The following APAF1 variants were observed in gnomAD, a reference collection of about 807,000 sequenced individuals.
APAF1 encodes apoptotic peptidase activating factor 1, also known as apoptotic protease-activating factor 1.
A neutral mutation model predicts 152.4 loss-of-function variants in APAF1; 91 were observed. The ratio of observed to expected loss-of-function variants is 0.60; its 90% CI spans 0.50 to 0.71. The LOEUF (loss-of-function observed/expected upper bound fraction) is 0.71. Among genes scored for constraint, APAF1 ranks in the 30% least tolerant of loss-of-function variants. The probability of loss-of-function intolerance (pLI) is 0.00; values close to 1 mark genes in which losing one functional copy is unlikely to be tolerated. For missense variants in APAF1, 1,283 were observed against 1,472.0 expected, an observed-to-expected ratio of 0.87 and a Z score of 2.10; for synonymous variants, 484 against 494.1, an observed-to-expected ratio of 0.98 and a Z score of 0.27.
intron 12 of APAF1, among the ~76,000 whole-genome samples, chr12:98,672,390 C>T (rs1201632): frequency 6.6e-6 from 1 of 152,116 alleles, no homozygotes; most frequent in Non-Finnish European, 1.5e-5. Context: ...GTCTCAAACT[C>T]CTGATTTCAA....
intron 22 of APAF1, among the ~76,000 whole-genome samples, chr12:98,717,870 A>G (rs2097736769): frequency 6.6e-6 from 1 of 152,050 alleles, no homozygotes; most frequent in South Asian, 2.1e-4. Context: ...ATCTTCTCTA[A>G]AAGGTGAATC....
At chr12:98,682,892 A>G (rs1465601407) in intron 14 of APAF1, among the ~76,000 whole-genome samples, 2 of 152,150 alleles carry the variant, frequency 1.3e-5, no homozygotes, top group Non-Finnish European at 2.9e-5. Flanking sequence ...AAGAAATGTC[A>G]TGTGTTCATG....
Position 98,665,667 on chromosome 12 carries a change from C to T in APAF1, c.1070C>T (p.Ser357Leu), listed in dbSNP as rs753747121. The T allele has an allele frequency of 1.2e-5, 19 of 1,613,576 alleles. No homozygotes were observed. The highest frequency in any genetic ancestry group is 1.7e-5 in the Admixed American group (1 of 59,982). Reference protein sequence around the residue: ...NKQFKRIRKSSSYDYEALDEA... With the variant: ...NKQFKRIRKSLSYDYEALDEA... ...CAGTTTAAGAGAATAAGGAAATCTT[C>T]GTCTTATGATTATGAGGCTCTAGAT... The change falls in exon 8 of 27, where the codon TCG becomes TTG. Residue 357 changes from serine to leucine, a missense_variant. Physicochemically the swap from Ser to Leu is moderately radical, Grantham distance 145. Transcript: ENST00000551964.
At chr12:98,663,399 A>G (rs1300044657) in intron 7 of APAF1, among the ~76,000 whole-genome samples, 2 of 152,150 alleles carry the variant, frequency 1.3e-5, no homozygotes, top group Non-Finnish European at 2.9e-5. Flanking sequence ...TAAAATTTAT[A>G]TATAGAATCT....
In APAF1 at chr12:98,648,466, C is replaced by T; in HGVS notation, c.107C>T (p.Thr36Ile). ...MDHMISDGFL[T>I]ISEEEKVRNE... ...CACATGATTAGTGATGGATTTTTAA[C>T]AATATCAGAAGAGGAAAAAGTAAGA... Residue 36 changes from threonine to isoleucine, a missense_variant, in exon 2 of 27, where the codon ACA becomes ATA. Transcript: ENST00000551964. 2 of 1,613,950 alleles carry T rather than the reference C, an allele frequency of 1.2e-6. No individual in the cohort carries two copies. The highest frequency in any genetic ancestry group is 2.2e-5 in the East Asian group (1 of 44,850).
chr12:98,725,562 G>A (rs2304006), intron 25 of APAF1, 22 bp downstream of exon 25: 312,656 of 1,613,598 alleles, frequency 0.19, 32,560 homozygotes, highest in Non-Finnish European at 0.22. Flanking sequence ...GCTGACATGA[G>A]AGCACTGCTC....
rs1002288198 is a variant in APAF1 at position 98,717,562 on chromosome 12, G to A, written c.3084+2010G>A. Among the ~76,000 whole-genome samples, 3 of 152,064 alleles carry A rather than the reference G, an allele frequency of 2.0e-5. No homozygotes were observed. In the South Asian group the frequency reaches 6.3e-4, roughly 32 times the overall value. ...TGCTAATTTTTGTATATTTAGTAGA[G>A]ATGGGGTTTCTTCATGTTGGTCAGG... On this transcript the variant is annotated intron_variant, in intron 22 of 26. Coordinates refer to ENST00000551964, the MANE Select transcript of APAF1 (RefSeq NM_181861.2).
At chr12:98,727,935 C>CT (rs2097753112) in intron 26 of APAF1, among the ~76,000 whole-genome samples, 1 of 150,466 alleles carries the variant, frequency 6.6e-6, no homozygotes, top group Non-Finnish European at 1.5e-5. Context: ...GAGCAAAACT[C>CT]TGTCTCAAAA....
At chr12:98,680,482 T>C (rs2097691120) in intron 14 of APAF1, 80 bp downstream of exon 14, 1 of 1,425,160 alleles carries the variant, frequency 7.0e-7, no homozygotes, top group Non-Finnish European at 9.7e-7. Flanking sequence ...CCAGAGTAAG[T>C]AGAGTTAAAG....
rs752145548 is a variant in APAF1 at position 98,735,113 on chromosome 12, A to C, written c.*2547A>C. ...AAAATGGGAAGAAAGACAAGGTAAC[A>C]TGAAGAAAGAAGAGATACCTAGTAT... is the stretch of plus-strand genomic sequence containing the variant. On this transcript the variant is annotated 3_prime_UTR_variant, in exon 27 of 27. Coordinates refer to ENST00000551964, the MANE Select transcript of APAF1 (RefSeq NM_181861.2). The C allele has an allele frequency of 2.5e-6, 1 of 398,450 alleles. No individual in the cohort carries two copies. The highest frequency in any genetic ancestry group is 4.4e-6 in the Non-Finnish European group (1 of 226,044). The allele number at this position is 398,450 out of a possible 1,614,324, so 24.7% of individuals were successfully genotyped here. A position where few individuals can be genotyped will look rare whatever the true frequency, so the allele number is the denominator to read the frequency against.
chr12:98,706,567 A>G lies in APAF1; in HGVS notation c.2678A>G (p.Asp893Gly). ...SWVHGVMFSP[D>G]GSSFLTSSDD... ...GTTCATGGTGTGATGTTTTCTCCTG[A>G]TGGATCATCATTTTTGACATCTTCT... The change falls in exon 19 of 27, where the codon GAT (aspartate) becomes GGT (glycine). Residue 893 changes from aspartate to glycine, a missense_variant. Transcript: ENST00000551964. 5 of 1,614,032 alleles carry G rather than the reference A, an allele frequency of 3.1e-6. No homozygotes were observed. Among genetic ancestry groups the G allele is most frequent in the Non-Finnish European group, 4.2e-6 (5 of 1,179,914 alleles).
intron 4 of APAF1, among the ~76,000 whole-genome samples, chr12:98,654,816 C>CT (rs758991431): frequency 0.28 from 32,152 of 116,468 alleles, 4,031 homozygotes; most frequent in East Asian, 0.42. Context: ...GTAGTATTTT[C>CT]TTTTTTTTTT....
At chr12:98,679,869 G>T (rs768735568) in intron 13 of APAF1, among the ~76,000 whole-genome samples, 4 of 152,252 alleles carry the variant, frequency 2.6e-5, no homozygotes, top group Admixed American at 6.5e-5. Flanking sequence ...ACTCACACAC[G>T]CCTCGCTGTT....
chr12:98,712,508 A>G (rs1346886853), intron 21 of APAF1, 73 bp downstream of exon 21: 4 of 903,366 alleles, frequency 4.4e-6, no homozygotes, highest in Non-Finnish European at 7.4e-6. Context: ...GGCATTGTGC[A>G]CTTCTATTTT....
intron 14 of APAF1, among the ~76,000 whole-genome samples, chr12:98,682,775 G>A (rs2097693770): frequency 6.6e-6 from 1 of 152,178 alleles, no homozygotes; most frequent in African/African-American, 2.4e-5. Flanking sequence ...AAGTGGTAGA[G>A]CCAGCTCTTG....
chr12:98,678,535 G>A (rs746458215), intron 13 of APAF1, among the ~76,000 whole-genome samples: 14 of 152,216 alleles, frequency 9.2e-5, no homozygotes, highest in South Asian at 4.1e-4. Flanking sequence ...AGCTGTAGCC[G>A]CCCAAACCAC....
At chr12:98,671,303 T>C (rs887836646) in intron 11 of APAF1, among the ~76,000 whole-genome samples, 1 of 152,068 alleles carries the variant, frequency 6.6e-6, no homozygotes, top group African/African-American at 2.4e-5. Flanking sequence ...GTTCAGTGGT[T>C]TTTTTAAAAA....
chr12:98,711,092 T>C (rs1007540688), intron 20 of APAF1, among the ~76,000 whole-genome samples: 1 of 152,244 alleles, frequency 6.6e-6, no homozygotes, highest in African/African-American at 2.4e-5. Context: ...GATTAGGAGC[T>C]CCTAATGCAC....
intron 16 of APAF1, among the ~76,000 whole-genome samples, chr12:98,689,351 C>A (rs1242820047): frequency 6.6e-6 from 1 of 151,812 alleles, no homozygotes; most frequent in East Asian, 1.9e-4. Flanking sequence ...TGTAGCTTTT[C>A]TTAGGATGTT....
Sources: gnomAD v4.1 joint callset for allele counts (sites outside exome capture counted in the v4.1 genomes callset) on GRCh38, gnomAD v4.1.1 for gene constraint, MANE v1.5 for transcripts, NCBI Gene and HGNC (gene_info 2026-07-23, HGNC 2026-07-21) for gene names.